Variants in FAM117A observed in about 807,000 individuals in gnomAD.
The protein encoded by FAM117A is protein FAM117A.
FAM117A carries 21 observed loss-of-function variants against 44.1 expected under a neutral mutation model. The ratio of observed to expected loss-of-function variants is 0.48; its 90% CI spans 0.34 to 0.69. The LOEUF (loss-of-function observed/expected upper bound fraction) is 0.69, where lower values mean the gene tolerates loss of function less well. Among genes scored for constraint, FAM117A ranks in the 30% least tolerant of loss-of-function variants. The pLI is 0.01. For missense variants in FAM117A, 498 were observed against 589.9 expected (o/e 0.84, Z 1.61); for synonymous variants, 220 against 238.3 (o/e 0.92, Z 0.71).
intron 1 of FAM117A, among the ~76,000 whole-genome samples, chr17:49,739,079 C>T (rs1344942283): frequency 6.6e-6 from 1 of 152,112 alleles, no homozygotes; most frequent in Non-Finnish European, 1.5e-5. Flanking sequence ...GGTCTGACTA[C>T]AGCCAACGCC....
At chr17:49,712,509 T>G (rs2073483429) in intron 7 of FAM117A, among the ~76,000 whole-genome samples, 1 of 152,012 alleles carries the variant, frequency 6.6e-6, no homozygotes, top group Admixed American at 6.5e-5. Flanking sequence ...GGTTGTTTAT[T>G]GTTGTTGTTT....
At chr17:49,723,868 G>A (rs576725776) in intron 2 of FAM117A, among the ~76,000 whole-genome samples, 28 of 152,242 alleles carry the variant, frequency 1.8e-4, no homozygotes, top group African/African-American at 6.7e-4. Flanking sequence ...CATAGCCAGG[G>A]TGAGACAACT....
At chr17:49,787,002 T>C (rs1048383776) in intron 1 of FAM117A, among the ~76,000 whole-genome samples, 1 of 152,050 alleles carries the variant, frequency 6.6e-6, no homozygotes, top group East Asian at 1.9e-4. Flanking sequence ...GAGAATCCCT[T>C]GAGCCCACGA....
chr17:49,739,024 T>C (rs1241831442), intron 1 of FAM117A, among the ~76,000 whole-genome samples: 2 of 152,012 alleles, frequency 1.3e-5, no homozygotes, highest in African/African-American at 4.8e-5. Flanking sequence ...TGGTGCAGCA[T>C]GGCCACCCCA....
intron 1 of FAM117A, among the ~76,000 whole-genome samples, chr17:49,744,381 G>A (rs1174159890): frequency 6.6e-6 from 1 of 152,160 alleles, no homozygotes; most frequent in African/African-American, 2.4e-5. Context: ...CTGGGCTCAA[G>A]TGATTCTCCA....
At chr17:49,783,215 A>G (rs534862246) in intron 1 of FAM117A, among the ~76,000 whole-genome samples, 2 of 152,336 alleles carry the variant, frequency 1.3e-5, no homozygotes, top group Non-Finnish European at 2.9e-5. Context: ...TCTTGTAACT[A>G]TAACTACAGC....
At chr17:49,782,414 G>T (rs557842335) in intron 1 of FAM117A, among the ~76,000 whole-genome samples, 44 of 149,086 alleles carry the variant, frequency 3.0e-4, no homozygotes, top group Non-Finnish European at 5.8e-4. Flanking sequence ...TTTGTGCCAG[G>T]CATGGTGGCT....
At chr17:49,775,696 G>A (rs937000329) in intron 1 of FAM117A, among the ~76,000 whole-genome samples, 3 of 152,168 alleles carry the variant, frequency 2.0e-5, no homozygotes, top group Non-Finnish European at 4.4e-5. Flanking sequence ...TGTGACCCCT[G>A]CTTCCATTCA....
At chr17:49,728,817 C>T (rs146809729) in intron 2 of FAM117A, among the ~76,000 whole-genome samples, 3 of 152,354 alleles carry the variant, frequency 2.0e-5, no homozygotes, top group East Asian at 1.9e-4. Flanking sequence ...TCATCTCTCC[C>T]GTTGCTCAAA....
intron 1 of FAM117A, among the ~76,000 whole-genome samples, chr17:49,753,554 G>A (rs925861082): frequency 4.6e-5 from 7 of 152,190 alleles, no homozygotes; most frequent in African/African-American, 1.7e-4. Flanking sequence ...GGTGGCTCAC[G>A]CCTGTAATCC....
intron 1 of FAM117A, among the ~76,000 whole-genome samples, chr17:49,739,086 C>T (rs753672858): frequency 1.3e-5 from 2 of 152,096 alleles, no homozygotes; most frequent in African/African-American, 2.4e-5. Flanking sequence ...CTACAGCCAA[C>T]GCCACCCAGC....
At chr17:49,776,551 C>G (rs997142423) in intron 1 of FAM117A, among the ~76,000 whole-genome samples, 1 of 152,186 alleles carries the variant, frequency 6.6e-6, no homozygotes, top group African/African-American at 2.4e-5. Flanking sequence ...AGGAGTTGAA[C>G]TATTCTGCGA....
chr17:49,713,953 TAG>T (rs1334547080), intron 7 of FAM117A, among the ~76,000 whole-genome samples: 1 of 152,058 alleles, frequency 6.6e-6, no homozygotes, highest in Non-Finnish European at 1.5e-5. Flanking sequence ...CCTGGCGTCC[TAG>T]AGACTCCACA....
chr17:49,754,194 G>GTGTGGC (rs904610592), intron 1 of FAM117A, among the ~76,000 whole-genome samples: 13 of 151,688 alleles, frequency 8.6e-5, no homozygotes, highest in African/African-American at 3.1e-4. Context: ...AACAGGGGCT[G>GTGTGGC]TGTGGCAAGT....
intron 1 of FAM117A, among the ~76,000 whole-genome samples, chr17:49,757,209 C>T (rs923602826): frequency 2.0e-5 from 3 of 152,224 alleles, no homozygotes; most frequent in African/African-American, 4.8e-5. Context: ...CCCAGCAACT[C>T]TCGGGGGCTC....
intron 6 of FAM117A, 63 bp downstream of exon 6, chr17:49,717,450 A>G (rs1393633624): frequency 1.4e-6 from 2 of 1,468,944 alleles, no homozygotes; most frequent in African/African-American, 2.8e-5. Flanking sequence ...AGAGGTGGAA[A>G]AGGGAGTGGA....
At chr17:49,735,453 A>G (rs1001746630) in intron 1 of FAM117A, among the ~76,000 whole-genome samples, 1 of 151,980 alleles carries the variant, frequency 6.6e-6, no homozygotes, top group Non-Finnish European at 1.5e-5. Context: ...ATTTACATAC[A>G]TTTTGCCATA....
At chr17:49,732,200 G>C (rs2073588213) in intron 2 of FAM117A, 1 of 177,426 alleles carries the variant, frequency 5.6e-6, no homozygotes. Context: ...CTTCCACCAG[G>C]CAGGTGGAAT....
rs1218267672 is a variant in FAM117A at position 49,750,118 on chromosome 17, A to T, written c.196+13774T>A. On this transcript the variant is annotated intron_variant, in intron 1 of 7. Coordinates refer to ENST00000240364, the MANE Select transcript of FAM117A (RefSeq NM_030802.4). ...TAACTTCAAATTTATAGATGCAAGA[A>T]TAAGAACAGTACATAGAACACTCAT... Among the ~76,000 whole-genome samples the T allele has an allele frequency of 1.3e-5, 2 of 149,138 alleles. 1 individual carries two copies. The highest frequency in any genetic ancestry group is 1.3e-4 in the Admixed American group (2 of 15,002).
Sources: gnomAD v4.1 joint callset for allele counts (sites outside exome capture counted in the v4.1 genomes callset) on GRCh38, gnomAD v4.1.1 for gene constraint, MANE v1.5 for transcripts, NCBI Gene and HGNC (gene_info 2026-07-23, HGNC 2026-07-21) for gene names.